The following NRP1 variants were observed in gnomAD, a reference collection of about 807,000 sequenced individuals.
NRP1 encodes neuropilin-1.
Under a neutral mutation model 106.7 loss-of-function variants are expected in NRP1, and 35 were observed. That is an observed-to-expected ratio of 0.33 (90% CI 0.25 to 0.43). NRP1 has a LOEUF of 0.43. Among genes scored for constraint, NRP1 ranks in the 20% least tolerant of loss-of-function variants. NRP1 has a pLI of 1.00. For synonymous variants in NRP1, 437 were observed against 417.9 expected (o/e 1.05, Z -0.56); for missense variants, 1,024 against 1,170.4 (o/e 0.87, Z 1.83).
rs992421077 is a variant in NRP1, at chr10:33,334,470, G to T, written c.-88C>A. On this transcript the variant is annotated 5_prime_UTR_variant, in exon 1 of 17. Transcript: ENST00000374867. Reference sequence around the variant, plus strand: ...AAGAGGAGAATCTAAGCGATCCGAAGAGCCCCAACTCCGCCTAGAGCTGTA... The same window carrying T: ...AAGAGGAGAATCTAAGCGATCCGAATAGCCCCAACTCCGCCTAGAGCTGTA... The T allele has an allele frequency of 6.8e-6, 8 of 1,177,806 alleles. No individual in the cohort carries two copies. Among genetic ancestry groups the T allele is most frequent in the Non-Finnish European group, 9.7e-6 (8 of 821,340 alleles). 73.0% of individuals were successfully genotyped at this position (1,177,806 alleles called of 1,614,324 possible).
intron 6 of NRP1, chr10:33,249,340 G>A (rs563613373): frequency 1.3e-4 from 53 of 408,874 alleles, no homozygotes; most frequent in South Asian, 5.1e-4. Context: ...CTTAGTTTGC[G>A]GAAATGAAAA....
intron 2 of NRP1, among the ~76,000 whole-genome samples, chr10:33,293,594 C>G (rs1274361099): frequency 6.6e-6 from 1 of 152,184 alleles, no homozygotes; most frequent in Non-Finnish European, 1.5e-5. Context: ...CCGTCCACAG[C>G]AAAGTCAGCA....
intron 2 of NRP1, among the ~76,000 whole-genome samples, chr10:33,306,355 G>GGT (rs61242197): frequency 0.056 from 8,339 of 147,942 alleles, 238 homozygotes; most frequent in African/African-American, 0.086. Context: ...GGGTCAGAAG[G>GGT]GTGTGTGTGT....
At chr10:33,266,399 C>G (rs974076111) in intron 3 of NRP1, among the ~76,000 whole-genome samples, 1 of 152,186 alleles carries the variant, frequency 6.6e-6, no homozygotes, top group African/African-American at 2.4e-5. Flanking sequence ...GGCCTCTCAA[C>G]ATTTCTGGTT....
intron 2 of NRP1, among the ~76,000 whole-genome samples, chr10:33,316,073 C>T (rs1034710422): frequency 6.6e-6 from 1 of 152,164 alleles, no homozygotes; most frequent in Admixed American, 6.5e-5. Context: ...TTAGGGAAAG[C>T]CAAGAAGCAC....
chr10:33,194,253 T>A (rs1426318363), intron 12 of NRP1: 1 of 153,384 alleles, frequency 6.5e-6, no homozygotes, highest in African/African-American at 2.4e-5. Context: ...CATAATCTCA[T>A]GTTAGAAAAT....
intron 2 of NRP1, among the ~76,000 whole-genome samples, chr10:33,300,756 G>A (rs983233293): frequency 2.6e-5 from 4 of 152,110 alleles, no homozygotes; most frequent in Non-Finnish European, 5.9e-5. Flanking sequence ...ATCTACCTTT[G>A]ACCTGGAAGC....
chr10:33,213,372 T>C lies in NRP1; in HGVS notation c.1614+14A>G. The C allele has an allele frequency of 6.2e-7, 1 of 1,613,994 alleles. No homozygotes were observed. Among genetic ancestry groups the C allele is most frequent in the Non-Finnish European group, 8.5e-7 (1 of 1,180,004 alleles). ...GACATAAGGGATGACCTCCTCCCAG[T>C]CCCCAGCCCTCACCTTCGCCTTGCG... On this transcript the variant is annotated intron_variant, in intron 9 of 16. Coordinates refer to ENST00000374867, the MANE Select transcript of NRP1 (RefSeq NM_003873.7).
At chr10:33,254,260 T>C (rs574582063) in intron 5 of NRP1, 66 bp from the exon 6 acceptor site, 1 of 1,400,552 alleles carries the variant, frequency 7.1e-7, no homozygotes, top group African/African-American at 1.4e-5. Context: ...TTTTCTTTTT[T>C]AACTTGATAC....
intron 6 of NRP1, among the ~76,000 whole-genome samples, chr10:33,252,058 G>C (rs1437685249): frequency 1.3e-5 from 2 of 152,096 alleles, no homozygotes; most frequent in African/African-American, 4.8e-5. Context: ...AATAACCCGA[G>C]ACCCTAGCGG....
chr10:33,265,699 T>C (rs1199078515), intron 3 of NRP1, among the ~76,000 whole-genome samples: 4 of 152,230 alleles, frequency 2.6e-5, no homozygotes, highest in African/African-American at 7.2e-5. Context: ...GTCTGACTTA[T>C]TTGAAATACC....
chr10:33,292,435 T>C (rs1845064795), intron 2 of NRP1, among the ~76,000 whole-genome samples: 1 of 152,202 alleles, frequency 6.6e-6, no homozygotes, highest in African/African-American at 2.4e-5. Flanking sequence ...GTTTTTAAAA[T>C]CTTCATTCAA....
intron 11 of NRP1, among the ~76,000 whole-genome samples, 196 bp from the exon 12 acceptor site, chr10:33,197,905 T>C (rs1414604628): frequency 6.6e-6 from 1 of 152,122 alleles, no homozygotes; most frequent in Admixed American, 6.5e-5. Context: ...TATTTTTTTT[T>C]TTTACCTAAC....
chr10:33,194,255 T>C (rs1836617896), intron 12 of NRP1: 1 of 153,350 alleles, frequency 6.5e-6, no homozygotes, highest in Non-Finnish European at 1.5e-5. Flanking sequence ...TAATCTCATG[T>C]TAGAAAATGT....
At chr10:33,274,964 C>T (rs957912757) in intron 2 of NRP1, among the ~76,000 whole-genome samples, 5 of 152,160 alleles carry the variant, frequency 3.3e-5, no homozygotes, top group Admixed American at 3.3e-4. Flanking sequence ...TGTAAACGAT[C>T]GCTGTGCTGC....
At chr10:33,226,529 C>G (rs1287135755) in intron 6 of NRP1, among the ~76,000 whole-genome samples, 1 of 152,172 alleles carries the variant, frequency 6.6e-6, no homozygotes, top group Non-Finnish European at 1.5e-5. Flanking sequence ...AAATGGACAC[C>G]TTGTCCCAGC....
intron 13 of NRP1, among the ~76,000 whole-genome samples, chr10:33,191,977 CAAAAAA>C (rs58214479): frequency 0.062 from 4,428 of 71,714 alleles, 239 homozygotes; most frequent in African/African-American, 0.17. Flanking sequence ...GACTCCATTT[CAAAAAA>C]AAAAAAAAAA....
intron 2 of NRP1, among the ~76,000 whole-genome samples, chr10:33,326,158 T>C (rs1242374375): frequency 2.0e-5 from 3 of 152,194 alleles, no homozygotes; most frequent in Non-Finnish European, 4.4e-5. Flanking sequence ...ATGCTGATTG[T>C]GTGCATTGCT....
intron 7 of NRP1, among the ~76,000 whole-genome samples, chr10:33,223,368 TC>T (rs1279699429): frequency 2.6e-5 from 4 of 151,990 alleles, no homozygotes; most frequent in Non-Finnish European, 4.4e-5. Flanking sequence ...TGCCAGTAAT[TC>T]CAAAACTTTA....
Sources: allele counts gnomAD v4.1 joint callset (sites outside exome capture counted in the v4.1 genomes callset), GRCh38; gene constraint gnomAD v4.1.1; transcripts MANE v1.5; gene names NCBI Gene and HGNC (gene_info 2026-07-23, HGNC 2026-07-21).